FARS2: variants seen among roughly 807,000 people sequenced by gnomAD.
The protein encoded by FARS2 is phenylalanyl-tRNA synthetase 2, mitochondrial.
A neutral mutation model predicts 46.4 loss-of-function variants in FARS2; 40 were observed. The observed-to-expected ratio is 0.86, with a 90% confidence interval of 0.67 to 1.12. The LOEUF (loss-of-function observed/expected upper bound fraction) is 1.12, where lower values mean the gene tolerates loss of function less well. Ranked by LOEUF, FARS2 falls within the 50% of genes most tolerant of loss-of-function variation. The pLI, the probability that FARS2 is intolerant of heterozygous loss-of-function variation, is 0.00. For synonymous variants in FARS2, 234 were observed against 214.9 expected, an observed-to-expected ratio of 1.09 and a Z score of -0.78; for missense variants, 513 against 567.9, an observed-to-expected ratio of 0.90 and a Z score of 0.98.
At chr6:5,346,286 G>A (rs1013708079) in intron 1 of FARS2, among the ~76,000 whole-genome samples, 1 of 152,188 alleles carries the variant, frequency 6.6e-6, no homozygotes, top group South Asian at 2.1e-4. Flanking sequence ...GAGGCCCATA[G>A]TACTTGGGTG....
chr6:5,378,809 C>G (rs1411575334), intron 2 of FARS2, among the ~76,000 whole-genome samples: 5 of 152,328 alleles, frequency 3.3e-5, no homozygotes. Context: ...TTATTTTTCT[C>G]TGTTCACATG....
At chr6:5,440,748 C>T in intron 4 of FARS2, among the ~76,000 whole-genome samples, 1 of 151,626 alleles carries the variant, frequency 6.6e-6, no homozygotes, top group Non-Finnish European at 1.5e-5. Flanking sequence ...TGGACTTGAG[C>T]TCCTGGCCTC....
At chr6:5,260,971 G>T (rs1332992143), upstream of FARS2, 1 of 1,232,054 alleles carries the variant, frequency 8.1e-7, no homozygotes, top group Non-Finnish European at 1.0e-6. Flanking sequence ...AGGGGGCGGT[G>T]CTGGGAGGGA....
intron 4 of FARS2, among the ~76,000 whole-genome samples, chr6:5,500,006 C>G (rs1460401923): frequency 6.6e-6 from 1 of 152,136 alleles, no homozygotes; most frequent in East Asian, 1.9e-4. Flanking sequence ...AAGCAAATGT[C>G]AACTGTACCA....
chr6:5,610,798 C>G (rs993241208), intron 5 of FARS2, among the ~76,000 whole-genome samples: 1 of 152,202 alleles, frequency 6.6e-6, no homozygotes, highest in Non-Finnish European at 1.5e-5. Flanking sequence ...TATCAAGTGC[C>G]CACCAGGTGG....
intron 6 of FARS2, among the ~76,000 whole-genome samples, chr6:5,613,542 A>G (rs1775303641): frequency 6.6e-6 from 1 of 152,244 alleles, no homozygotes; most frequent in Non-Finnish European, 1.5e-5. Flanking sequence ...TAAAGAAAAT[A>G]TATGAAACAG....
At chr6:5,525,528 CG>C (rs1191497480) in intron 4 of FARS2, among the ~76,000 whole-genome samples, 4 of 152,164 alleles carry the variant, frequency 2.6e-5, no homozygotes, top group Admixed American at 6.5e-5. Context: ...CTCTGATTAC[CG>C]TAGCTTCATA....
intron 2 of FARS2, among the ~76,000 whole-genome samples, chr6:5,390,243 C>G (rs1469512961): frequency 6.6e-6 from 1 of 152,194 alleles, no homozygotes; most frequent in African/African-American, 2.4e-5. Flanking sequence ...CTTTCTTTCC[C>G]TGTGAGGTAA....
At chr6:5,308,645 G>A (rs998586894) in intron 1 of FARS2, among the ~76,000 whole-genome samples, 2 of 152,162 alleles carry the variant, frequency 1.3e-5, no homozygotes, top group Non-Finnish European at 2.9e-5. Flanking sequence ...TCATGCGCTG[G>A]TATCAGGTGG....
intron 4 of FARS2, among the ~76,000 whole-genome samples, chr6:5,493,641 C>T (rs1487054411): frequency 6.6e-6 from 1 of 152,136 alleles, no homozygotes; most frequent in Non-Finnish European, 1.5e-5. Context: ...CTTGATGGCT[C>T]TTAGACTGTT....
chr6:5,402,947 C>T (rs2127715707), intron 2 of FARS2, among the ~76,000 whole-genome samples: 1 of 152,270 alleles, frequency 6.6e-6, no homozygotes, highest in Non-Finnish European at 1.5e-5. Flanking sequence ...CCAGCTTGCT[C>T]TTGCTTACTT....
rs977766321 is a variant in FARS2 at position 5,326,774 on chromosome 6, A to G, written c.-21-41776A>G. 5.9e-5 allele frequency among the ~76,000 whole-genome samples: 9 copies of G among 152,168 alleles called. No homozygotes were observed. The South Asian group carries it at 6.2e-4, about 11-fold the overall frequency. ...GCCAGTGTCATCAGATGGTCATCAC[A>G]GTGGGTTGTGGGGAGCATGAGGTAG... On this transcript the variant is annotated intron_variant, in intron 1 of 6. Coordinates refer to ENST00000274680, the MANE Select transcript of FARS2 (RefSeq NM_006567.5).
chr6:5,384,240 T>C (rs1022141987), intron 2 of FARS2, among the ~76,000 whole-genome samples: 1 of 152,248 alleles, frequency 6.6e-6, no homozygotes, highest in Non-Finnish European at 1.5e-5. Flanking sequence ...ATTAATCTAC[T>C]TCCTTTTCTC....
chr6:5,253,911 T>C, the FARS2 span, among the ~76,000 whole-genome samples: 1 of 151,758 alleles, frequency 6.6e-6, no homozygotes, highest in African/African-American at 2.4e-5. Context: ...CTCGATCAGA[T>C]TGTGATGTGT....
chr6:5,458,023 G>A (rs1765002456), intron 4 of FARS2: 1 of 152,352 alleles, frequency 6.6e-6, no homozygotes, highest in African/African-American at 2.4e-5. Context: ...GATCGCTCTT[G>A]TGTGGCTTCC....
intron 1 of FARS2, among the ~76,000 whole-genome samples, chr6:5,341,709 G>C (rs967293018): frequency 2.8e-4 from 43 of 151,986 alleles, no homozygotes; most frequent in African/African-American, 1.0e-3. Flanking sequence ...AGTAGAGATG[G>C]GGTTCCACCA....
chr6:5,296,411 G>A (rs1001038863), intron 1 of FARS2, among the ~76,000 whole-genome samples: 6 of 152,138 alleles, frequency 3.9e-5, no homozygotes, highest in Non-Finnish European at 7.3e-5. Flanking sequence ...AAAGTGCTGG[G>A]ATTACAGGCG....
intron 1 of FARS2, among the ~76,000 whole-genome samples, chr6:5,366,963 A>T (rs929401258): frequency 2.6e-5 from 4 of 152,244 alleles, no homozygotes; most frequent in African/African-American, 7.2e-5. Flanking sequence ...CTCAGCCAAA[A>T]GCCCTTTTGA....
intron 4 of FARS2, among the ~76,000 whole-genome samples, chr6:5,499,128 C>T (rs1012521240): frequency 5.9e-5 from 9 of 152,262 alleles, no homozygotes; most frequent in African/African-American, 1.7e-4. Flanking sequence ...GAAGCGGTGC[C>T]CTTTTCTTGT....
Sources: allele counts gnomAD v4.1 joint callset (sites outside exome capture counted in the v4.1 genomes callset), GRCh38; gene constraint gnomAD v4.1.1; transcripts MANE v1.5; gene names NCBI Gene and HGNC (gene_info 2026-07-23, HGNC 2026-07-21).